The following RCAN2 variants were observed in gnomAD, a reference collection of about 807,000 sequenced individuals.
The protein encoded by RCAN2 is regulator of calcineurin 2, also known as calcipressin-2.
RCAN2 carries 9 observed loss-of-function variants against 23.6 expected under a neutral mutation model. That is an observed-to-expected ratio of 0.38 (90% CI 0.23 to 0.67). The LOEUF (loss-of-function observed/expected upper bound fraction) is 0.67. Ranked by LOEUF, RCAN2 falls within the 30% of genes least tolerant of loss-of-function variation. The pLI is 0.51. For missense variants in RCAN2, 273 were observed against 302.3 expected (o/e 0.90, Z 0.72); for synonymous variants, 109 against 115.7 (o/e 0.94, Z 0.37).
At position 46,290,509 on chromosome 6, in the gene RCAN2, G is replaced by A. The variant is rs563138850; in HGVS notation, c.226-41613C>T. Reference sequence around the variant, plus strand: ...AGCCTGCAGCATTTGAACTTTATTTGAACTCTTTCTCCCTCTCTCAAAATA... The same window carrying A: ...AGCCTGCAGCATTTGAACTTTATTTAAACTCTTTCTCCCTCTCTCAAAATA... On this transcript the variant is annotated intron_variant, in intron 2 of 4. Transcript: ENST00000371374. Among the ~76,000 whole-genome samples, 4 of 152,232 alleles carry A rather than the reference G, an allele frequency of 2.6e-5. No individual in the cohort carries two copies. In the East Asian group the frequency reaches 7.7e-4, roughly 29 times the overall value.
chr6:46,489,208 C>G (rs1561925613), intron 1 of RCAN2, among the ~76,000 whole-genome samples: 1 of 152,178 alleles, frequency 6.6e-6, no homozygotes, highest in African/African-American at 2.4e-5. Context: ...GGGATCCAGA[C>G]CAAATGTAAA....
At chr6:46,428,566 A>T (rs1697830625) in intron 2 of RCAN2, among the ~76,000 whole-genome samples, 1 of 152,228 alleles carries the variant, frequency 6.6e-6, no homozygotes, top group African/African-American at 2.4e-5. Flanking sequence ...TTTCCAGAGA[A>T]GAATCTCCAG....
At chr6:46,323,405 G>C (rs1261337509) in intron 2 of RCAN2, among the ~76,000 whole-genome samples, 1 of 147,866 alleles carries the variant, frequency 6.8e-6, no homozygotes, top group African/African-American at 2.5e-5. Context: ...AAAAAGAAAA[G>C]AAAAAAGCCC....
chr6:46,319,887 TCA>T (rs1019008770), intron 2 of RCAN2, among the ~76,000 whole-genome samples: 1 of 152,108 alleles, frequency 6.6e-6, no homozygotes, highest in African/African-American at 2.4e-5. Flanking sequence ...TCTTGCCACC[TCA>T]CACACACACT....
rs142885007 is a variant in RCAN2, at chr6:46,411,441, T to C, written c.225+45311A>G. Among the ~76,000 whole-genome samples the C allele has an allele frequency of 7.1e-3, 1,082 of 152,306 alleles. 7 individuals are homozygous for C. The highest frequency in any genetic ancestry group is 0.01 in the Non-Finnish European group (681 of 68,018). On this transcript the variant is annotated intron_variant, in intron 2 of 4. Transcript: ENST00000371374. Reference sequence around the variant, plus strand: ...TGCACAACAACGTGAATGCAGTTAATGCCACAGAACTGTGCACTTCAAAAT... The same window carrying C: ...TGCACAACAACGTGAATGCAGTTAACGCCACAGAACTGTGCACTTCAAAAT...
chr6:46,327,989 A>G (rs933110037), intron 2 of RCAN2, among the ~76,000 whole-genome samples: 2 of 152,208 alleles, frequency 1.3e-5, no homozygotes, highest in Non-Finnish European at 2.9e-5. Flanking sequence ...AACAACAGCA[A>G]AGTAGAAGCA....
chr6:46,394,770 T>A (rs1445267108), intron 2 of RCAN2, among the ~76,000 whole-genome samples: 3 of 152,178 alleles, frequency 2.0e-5, no homozygotes, highest in African/African-American at 7.2e-5. Context: ...CTCTCACTGC[T>A]GTATGGGAAT....
intron 2 of RCAN2, among the ~76,000 whole-genome samples, chr6:46,412,421 G>T (rs1277686800): frequency 1.3e-5 from 2 of 152,066 alleles, no homozygotes; most frequent in Admixed American, 6.6e-5. Context: ...GATTGTGGGG[G>T]GCATCATTGG....
chr6:46,301,139 T>C (rs993789365), intron 2 of RCAN2, among the ~76,000 whole-genome samples: 5 of 151,914 alleles, frequency 3.3e-5, no homozygotes, highest in Non-Finnish European at 5.9e-5. Context: ...TAGGTGGAGA[T>C]GAAGGAAAAT....
intron 4 of RCAN2, among the ~76,000 whole-genome samples, chr6:46,235,067 G>A (rs531181878): frequency 9.2e-5 from 14 of 152,192 alleles, no homozygotes; most frequent in Admixed American, 2.6e-4. Context: ...CTTGGCTTAC[G>A]GGCCATGACT....
intron 2 of RCAN2, among the ~76,000 whole-genome samples, chr6:46,444,882 C>T (rs1767656365): frequency 1.3e-5 from 2 of 152,160 alleles, no homozygotes; most frequent in Non-Finnish European, 2.9e-5. Context: ...TACTTAGCCT[C>T]TAGGCCAACA....
At chr6:46,377,628 A>G (rs746245050) in intron 2 of RCAN2, among the ~76,000 whole-genome samples, 1 of 152,200 alleles carries the variant, frequency 6.6e-6, no homozygotes, top group African/African-American at 2.4e-5. Flanking sequence ...TATCAATACT[A>G]TTTAGGTGGC....
At position 46,221,922 on chromosome 6, in the gene RCAN2, T is replaced by C. The variant is rs529039846; in HGVS notation, c.*1219A>G. ...CACACGTAACAAAAACAAATAACTTTTTTGAGCACACGGGTGTCGCGTGAG... is the reference window on the plus strand; with the variant it reads ...CACACGTAACAAAAACAAATAACTTCTTTGAGCACACGGGTGTCGCGTGAG... On this transcript the variant is annotated 3_prime_UTR_variant, in exon 5 of 5. Coordinates refer to ENST00000371374, the MANE Select transcript of RCAN2 (RefSeq NM_001251974.2). 5 of 398,576 alleles carry C rather than the reference T, an allele frequency of 1.3e-5. No homozygotes were observed. Among genetic ancestry groups the C allele is most frequent in the Middle Eastern group, 6.3e-4 (1 of 1,586 alleles). The allele number at this position is 398,576 out of a possible 1,614,324, so 24.7% of individuals were successfully genotyped here. A position where few individuals can be genotyped will look rare whatever the true frequency, so the allele number is the denominator to read the frequency against.
At chr6:46,354,097 A>C (rs1169298363) in intron 2 of RCAN2, among the ~76,000 whole-genome samples, 2 of 152,156 alleles carry the variant, frequency 1.3e-5, no homozygotes, top group Non-Finnish European at 2.9e-5. Context: ...TTTAAATGTC[A>C]GTCACTTTAA....
At chr6:46,420,804 C>T (rs1001682884) in intron 2 of RCAN2, among the ~76,000 whole-genome samples, 5 of 152,118 alleles carry the variant, frequency 3.3e-5, no homozygotes, top group South Asian at 2.1e-4. Flanking sequence ...TCCTCGGCCC[C>T]CCAAACAGCT....
intron 2 of RCAN2, among the ~76,000 whole-genome samples, chr6:46,361,226 G>A (rs1561874506): frequency 1.3e-5 from 2 of 152,168 alleles, no homozygotes; most frequent in African/African-American, 4.8e-5. Flanking sequence ...AAGGGTGAGA[G>A]AAAGGAGAGT....
intron 2 of RCAN2, among the ~76,000 whole-genome samples, chr6:46,344,940 A>C (rs2150374942): frequency 6.6e-6 from 1 of 152,206 alleles, no homozygotes; most frequent in Admixed American, 6.5e-5. Flanking sequence ...GATTAAAATA[A>C]AAAATCTCCC....
intron 2 of RCAN2, among the ~76,000 whole-genome samples, chr6:46,362,814 C>T (rs1765055506): frequency 6.6e-6 from 1 of 152,094 alleles, no homozygotes; most frequent in East Asian, 1.9e-4. Flanking sequence ...CAAATGTATC[C>T]AGGCATCCTA....
chr6:46,435,482 G>A (rs904702102), intron 2 of RCAN2, among the ~76,000 whole-genome samples: 5 of 152,284 alleles, frequency 3.3e-5, no homozygotes, highest in South Asian at 4.2e-4. Context: ...AAAGGGCTCT[G>A]TTCTCATTTA....
Sources: allele counts gnomAD v4.1 joint callset (sites outside exome capture counted in the v4.1 genomes callset), GRCh38; gene constraint gnomAD v4.1.1; transcripts MANE v1.5; gene names NCBI Gene and HGNC (gene_info 2026-07-23, HGNC 2026-07-21).